The following MLLT10 variants were observed in gnomAD, a reference collection of about 807,000 sequenced individuals.
MLLT10 encodes the protein protein AF-10.
MLLT10 carries 30 observed loss-of-function variants against 129.1 expected under a neutral mutation model. The observed-to-expected ratio is 0.23, with a 90% CI of 0.17 to 0.32. The LOEUF (loss-of-function observed/expected upper bound fraction) is 0.32, where lower values mean the gene tolerates loss of function less well. Among genes scored for constraint, MLLT10 ranks in the 10% least tolerant of loss-of-function variants. MLLT10 has a pLI of 1.00. For missense variants in MLLT10, 1,119 were observed against 1,268.3 expected (o/e 0.88, Z 1.79); for synonymous variants, 490 against 446.4 (o/e 1.10, Z -1.23).
At chr10:21,732,601 C>T (rs1383196240) in intron 17 of MLLT10, among the ~76,000 whole-genome samples, 1 of 152,122 alleles carries the variant, frequency 6.6e-6, no homozygotes, top group Non-Finnish European at 1.5e-5. Context: ...AATGTCATTA[C>T]TTTTCATTGA....
intron 14 of MLLT10, among the ~76,000 whole-genome samples, chr10:21,721,671 G>C (rs1042982701): frequency 7.9e-5 from 12 of 152,052 alleles, no homozygotes; most frequent in African/African-American, 2.7e-4. Flanking sequence ...GAAATACTAA[G>C]TTTCTTTTAT....
intron 8 of MLLT10, among the ~76,000 whole-genome samples, chr10:21,650,974 T>G (rs941724726): frequency 7.9e-5 from 12 of 152,226 alleles, no homozygotes; most frequent in Non-Finnish European, 1.3e-4. Context: ...ACTGTTCAGA[T>G]GTGAAGTGCT....
intron 3 of MLLT10, chr10:21,557,067 C>G: frequency 7.1e-7 from 1 of 1,415,562 alleles, no homozygotes; most frequent in South Asian, 1.7e-5. Flanking sequence ...ACTCAACTCA[C>G]AAACATTTTT....
chr10:21,631,897 A>C (rs1564542735), intron 8 of MLLT10, among the ~76,000 whole-genome samples: 1 of 151,576 alleles, frequency 6.6e-6, no homozygotes, highest in Non-Finnish European at 1.5e-5. Flanking sequence ...AAAGTTAGAT[A>C]AATCTGTATT....
chr10:21,614,604 AAG>A (rs1330608802), intron 6 of MLLT10, among the ~76,000 whole-genome samples: 1 of 152,192 alleles, frequency 6.6e-6, no homozygotes, highest in East Asian at 1.9e-4. Context: ...GAGATGTGTG[AAG>A]AGTTTGTTTT....
chr10:21,607,540 G>C (rs193133188), intron 5 of MLLT10, among the ~76,000 whole-genome samples: 1 of 151,832 alleles, frequency 6.6e-6, no homozygotes, highest in Non-Finnish European at 1.5e-5. Flanking sequence ...GGCTGGTCTC[G>C]GAACTCCTGA....
At chr10:21,552,564 G>C (rs1336885452) in intron 3 of MLLT10, among the ~76,000 whole-genome samples, 1 of 150,922 alleles carries the variant, frequency 6.6e-6, no homozygotes, top group African/African-American at 2.4e-5. Context: ...GCTAGTTTTT[G>C]TATTTTTAAT....
intron 14 of MLLT10, among the ~76,000 whole-genome samples, chr10:21,717,110 G>A (rs988329798): frequency 4.6e-5 from 7 of 151,588 alleles, no homozygotes; most frequent in Non-Finnish European, 8.8e-5. Flanking sequence ...AAAATTAGCC[G>A]GGCGCGGTGG....
chr10:21,697,660 A>G (rs180856353), intron 13 of MLLT10, among the ~76,000 whole-genome samples: 13 of 152,364 alleles, frequency 8.5e-5, no homozygotes, highest in Non-Finnish European at 1.5e-4. Context: ...GGAGAGATTT[A>G]GGAACACCAG....
At chr10:21,729,345 ATTAG>A (rs902980495) in intron 16 of MLLT10, among the ~76,000 whole-genome samples, 1 of 152,160 alleles carries the variant, frequency 6.6e-6, no homozygotes. Flanking sequence ...TTTCCTTTTC[ATTAG>A]TTAAATGGGA....
Position 21,717,706 on chromosome 10 carries a change from C to CCTCTT in MLLT10, c.1878+3759_1878+3760insTTCTC, listed in dbSNP as rs1323668099. Among the ~76,000 whole-genome samples the CCTCTT allele has an allele frequency of 1.9e-4, 19 of 100,064 alleles. 1 individual carries two copies. In the East Asian group the frequency reaches 4.6e-3, roughly 24 times the overall value. The allele number at this position is 100,064 out of a possible 152,430, so 65.6% of individuals were successfully genotyped here. A position where few individuals can be genotyped will look rare whatever the true frequency, so the allele number is the denominator to read the frequency against. On this transcript the variant is annotated intron_variant, in intron 14 of 22. Coordinates refer to ENST00000307729, the MANE Select transcript of MLLT10 (RefSeq NM_001195626.3). ...TCCTCCTCCTCCTCCTCCTCTTCCT[C>CCTCTT]CTCCTCCTCTTCCTCCTCCTCCTCC...
chr10:21,624,702 G>A (rs771588492), intron 8 of MLLT10: 49 of 1,359,156 alleles, frequency 3.6e-5, no homozygotes, highest in Non-Finnish European at 4.9e-5. Flanking sequence ...GCGATGGGTT[G>A]AGAGACCCAG....
intron 8 of MLLT10, among the ~76,000 whole-genome samples, chr10:21,628,833 G>T (rs1336140283): frequency 6.9e-6 from 1 of 144,242 alleles, no homozygotes; most frequent in Admixed American, 7.4e-5. Flanking sequence ...TGTAACCTCT[G>T]CTCCCAAGTT....
intron 8 of MLLT10, among the ~76,000 whole-genome samples, chr10:21,648,440 C>T (rs534988136): frequency 6.6e-6 from 1 of 152,228 alleles, no homozygotes; most frequent in South Asian, 2.1e-4. Flanking sequence ...ATTTGTTTTG[C>T]AAGTTGTTAG....
At chr10:21,574,785 T>C (rs994262896) in intron 3 of MLLT10, among the ~76,000 whole-genome samples, 1 of 152,184 alleles carries the variant, frequency 6.6e-6, no homozygotes, top group African/African-American at 2.4e-5. Context: ...TAATGTATTA[T>C]AATTAGTGTA....
chr10:21,565,583 A>G (rs1198426115), intron 3 of MLLT10, among the ~76,000 whole-genome samples: 1 of 148,098 alleles, frequency 6.8e-6, no homozygotes, highest in East Asian at 2.0e-4. Context: ...CTGGGATTAC[A>G]GGTGTGAGCC....
intron 8 of MLLT10, among the ~76,000 whole-genome samples, chr10:21,651,370 G>A (rs1305244830): frequency 2.6e-5 from 4 of 151,986 alleles, no homozygotes; most frequent in Non-Finnish European, 5.9e-5. Context: ...ATGCCTGGCC[G>A]TATTTGGTGT....
chr10:21,604,595 T>A (rs1401919457), intron 5 of MLLT10, among the ~76,000 whole-genome samples: 2 of 151,908 alleles, frequency 1.3e-5, no homozygotes, highest in Non-Finnish European at 2.9e-5. Flanking sequence ...TTAAAAAAAA[T>A]AATAATAACT....
chr10:21,697,072 A>G (rs1388349435), intron 13 of MLLT10, among the ~76,000 whole-genome samples: 1 of 144,976 alleles, frequency 6.9e-6, no homozygotes, highest in Non-Finnish European at 1.5e-5. Context: ...TATATAATCC[A>G]CAGAAGTGAA....
Sources: allele counts gnomAD v4.1 joint callset (sites outside exome capture counted in the v4.1 genomes callset), GRCh38; gene constraint gnomAD v4.1.1; transcripts MANE v1.5; gene names NCBI Gene and HGNC (gene_info 2026-07-23, HGNC 2026-07-21).